The following SLC4A4 variants were observed in gnomAD, a reference collection of about 807,000 sequenced individuals.
SLC4A4 encodes the protein electrogenic sodium bicarbonate cotransporter 1.
Under a neutral mutation model 111.5 loss-of-function variants are expected in SLC4A4, and 27 were observed. That is an observed-to-expected ratio of 0.24 (90% confidence interval 0.18 to 0.33). The LOEUF is 0.33. Among genes scored for constraint, SLC4A4 ranks in the 10% least tolerant of loss-of-function variants. The pLI, the probability that SLC4A4 is intolerant of heterozygous loss-of-function variation, is 1.00. For missense variants in SLC4A4, 909 were observed against 1,315.5 expected, an observed-to-expected ratio of 0.69 and a Z score of 4.78; for synonymous variants, 443 against 463.4, an observed-to-expected ratio of 0.96 and a Z score of 0.57.
chr4:71,288,086 A>G (rs1253393592), intron 3 of SLC4A4, among the ~76,000 whole-genome samples: 1 of 152,142 alleles, frequency 6.6e-6, no homozygotes, highest in East Asian at 1.9e-4. Flanking sequence ...AGCTGTCCAT[A>G]TTCATTTAGC....
chr4:71,120,842 T>A (rs986541167), intron 2 of SLC4A4, among the ~76,000 whole-genome samples: 2 of 152,316 alleles, frequency 1.3e-5, no homozygotes, highest in East Asian at 3.9e-4. Flanking sequence ...TGAGGAGCCC[T>A]TCAGCCCACC....
chr4:71,165,905 G>A (rs892470854), intron 2 of SLC4A4, among the ~76,000 whole-genome samples: 1 of 152,084 alleles, frequency 6.6e-6, no homozygotes, highest in African/African-American at 2.4e-5. Flanking sequence ...GTGAGCACAT[G>A]TAGTTACTGT....
intron 14 of SLC4A4, among the ~76,000 whole-genome samples, chr4:71,481,169 G>T (rs2149122522): frequency 6.6e-6 from 1 of 151,774 alleles, no homozygotes; most frequent in Middle Eastern, 3.4e-3. Flanking sequence ...GGGAGCCTAA[G>T]GGCACTATGC....
intron 3 of SLC4A4, chr4:71,300,628 A>G (rs1001615387): frequency 3.4e-5 from 12 of 352,000 alleles, no homozygotes; most frequent in African/African-American, 2.4e-4. Flanking sequence ...CTCTGTATGC[A>G]GTGACGACAG....
intron 1 of SLC4A4, among the ~76,000 whole-genome samples, chr4:71,187,829 A>T (rs1745552840): frequency 6.6e-6 from 1 of 151,816 alleles, no homozygotes; most frequent in Non-Finnish European, 1.5e-5. Context: ...AACCCATCAC[A>T]GGGGGAGATT....
chr4:71,263,107 T>G (rs1389893221), intron 3 of SLC4A4, among the ~76,000 whole-genome samples: 3 of 148,274 alleles, frequency 2.0e-5, no homozygotes, highest in Non-Finnish European at 4.5e-5. Flanking sequence ...AGTGAGAACA[T>G]GCGGTGCAAA....
chr4:71,472,553 C>A, intron 13 of SLC4A4, 146 bp from the exon 14 acceptor site: 1 of 780,298 alleles, frequency 1.3e-6, no homozygotes, highest in Non-Finnish European at 2.1e-6. Context: ...AAACTTAGTG[C>A]TTTCTGGCTA....
intron 2 of SLC4A4, among the ~76,000 whole-genome samples, chr4:71,138,735 A>G (rs1188273914): frequency 6.6e-6 from 1 of 152,122 alleles, no homozygotes; most frequent in African/African-American, 2.4e-5. Flanking sequence ...GTTGGGGGCC[A>G]GGTAAAGAAT....
chr4:71,091,407 C>G (rs1424605193), intron 1 of SLC4A4, among the ~76,000 whole-genome samples: 4 of 152,064 alleles, frequency 2.6e-5, no homozygotes, highest in Non-Finnish European at 5.9e-5. Flanking sequence ...CACCCGCCAC[C>G]ACGCTTGGCT....
chr4:71,333,191 T>G (rs1293578120), intron 3 of SLC4A4, among the ~76,000 whole-genome samples: 1 of 152,224 alleles, frequency 6.6e-6, no homozygotes, highest in Non-Finnish European at 1.5e-5. Context: ...GGGAATTGAT[T>G]GTTGTGATCT....
At chr4:71,539,379 T>A (rs1371380530) in intron 18 of SLC4A4, among the ~76,000 whole-genome samples, 1 of 152,096 alleles carries the variant, frequency 6.6e-6, no homozygotes, top group East Asian at 1.9e-4. Flanking sequence ...GAACTTCCAT[T>A]TGTCCTAGCC....
intron 14 of SLC4A4, among the ~76,000 whole-genome samples, chr4:71,476,426 A>G (rs1045172791): frequency 1.3e-5 from 2 of 151,770 alleles, no homozygotes; most frequent in Admixed American, 6.6e-5. Flanking sequence ...AAACTGGCGT[A>G]TGACTTGTTT....
At chr4:71,440,395 T>C (rs1228278825) in intron 7 of SLC4A4, among the ~76,000 whole-genome samples, 1 of 152,220 alleles carries the variant, frequency 6.6e-6, no homozygotes, top group East Asian at 1.9e-4. Flanking sequence ...AATCCCTCAA[T>C]ATTTTTGAAT....
intron 18 of SLC4A4, among the ~76,000 whole-genome samples, chr4:71,541,183 T>C (rs965404490): frequency 6.6e-6 from 1 of 152,110 alleles, no homozygotes; most frequent in Non-Finnish European, 1.5e-5. Context: ...AACTTAAAGA[T>C]AATTTTGCAG....
rs72853285 is a variant in SLC4A4, at chr4:71,506,537, T to G, written c.2166+8845T>G. 1.6e-3 allele frequency among the ~76,000 whole-genome samples: 245 copies of G among 152,246 alleles called. 3 individuals carry two copies. The highest frequency in any genetic ancestry group is 5.7e-3 in the African/African-American group (238 of 41,554). Reference sequence around the variant, plus strand: ...ATGCTAGTGAGTTTTGCACATTGATTTTTTATCCTGAGACTTAGCTGAAGT... The same window carrying G: ...ATGCTAGTGAGTTTTGCACATTGATGTTTTATCCTGAGACTTAGCTGAAGT... On this transcript the variant is annotated intron_variant, in intron 16 of 25. Coordinates refer to ENST00000264485, the MANE Select transcript of SLC4A4 (RefSeq NM_001098484.3).
intron 1 of SLC4A4, among the ~76,000 whole-genome samples, chr4:71,085,806 G>A (rs1451401955): frequency 6.6e-6 from 1 of 151,980 alleles, no homozygotes; most frequent in Non-Finnish European, 1.5e-5. Context: ...GGTTACTGTA[G>A]CCTTGTAGTA....
chr4:71,225,731 G>T (rs1001944179), intron 1 of SLC4A4, among the ~76,000 whole-genome samples: 1 of 152,150 alleles, frequency 6.6e-6, no homozygotes, highest in South Asian at 2.1e-4. Context: ...GTGCCATGGA[G>T]CTGACTCCCA....
intron 3 of SLC4A4, among the ~76,000 whole-genome samples, chr4:71,259,676 G>A (rs763732849): frequency 1.1e-4 from 17 of 152,034 alleles, no homozygotes; most frequent in Non-Finnish European, 1.3e-4. Flanking sequence ...ATCCTCTGAG[G>A]GTTGCCCAAA....
chr4:71,318,663 G>T (rs1209087386), intron 3 of SLC4A4, among the ~76,000 whole-genome samples: 1 of 151,956 alleles, frequency 6.6e-6, no homozygotes, highest in African/African-American at 2.4e-5. Context: ...TTTAAAGTAG[G>T]ATTAGGTGAA....
Sources: gnomAD v4.1 joint callset for allele counts (sites outside exome capture counted in the v4.1 genomes callset) on GRCh38, gnomAD v4.1.1 for gene constraint, MANE v1.5 for transcripts, NCBI Gene and HGNC (gene_info 2026-07-23, HGNC 2026-07-21) for gene names.